Variants in ENTREP2 observed in about 807,000 individuals in gnomAD.
ENTREP2 encodes the protein protein ENTREP2.
At chr15:29,492,609 A>G in the ENTREP2 span, among the ~76,000 whole-genome samples, 1 of 152,246 alleles carries the variant, frequency 6.6e-6, no homozygotes. Context: ...AGTGTTAAAC[A>G]TATTAATATA....
the ENTREP2 span, among the ~76,000 whole-genome samples, chr15:29,216,301 C>T: frequency 3.3e-5 from 5 of 152,146 alleles, no homozygotes; most frequent in Non-Finnish European, 4.4e-5. Flanking sequence ...GGCCCTGATC[C>T]GTTTTAGCTT....
At chr15:29,464,722 C>T in the ENTREP2 span, among the ~76,000 whole-genome samples, 4 of 152,156 alleles carry the variant, frequency 2.6e-5, no homozygotes, top group African/African-American at 4.8e-5. Flanking sequence ...TGTGGAGGGG[C>T]CCCCTGGGCA....
chr15:29,647,970 C>T, the ENTREP2 span, among the ~76,000 whole-genome samples: 7 of 152,158 alleles, frequency 4.6e-5, no homozygotes, highest in East Asian at 1.9e-4. Flanking sequence ...GTTTTTCCAG[C>T]GTAACTTGAC....
chr15:29,589,651 G>C, the ENTREP2 span, among the ~76,000 whole-genome samples: 3 of 152,324 alleles, frequency 2.0e-5, no homozygotes, highest in African/African-American at 7.2e-5. Flanking sequence ...TGCTAACATA[G>C]ACTGCCTGCC....
chr15:29,365,254 T>TC, the ENTREP2 span, among the ~76,000 whole-genome samples: 1 of 151,774 alleles, frequency 6.6e-6, no homozygotes, highest in Non-Finnish European at 1.5e-5. Flanking sequence ...TCATTTCTTT[T>TC]TTTTTTTTTT....
the ENTREP2 span, among the ~76,000 whole-genome samples, chr15:29,638,580 T>G: frequency 6.6e-6 from 1 of 152,108 alleles, no homozygotes; most frequent in African/African-American, 2.4e-5. Context: ...TCTGTGCAAT[T>G]AATAAAAAAC....
At chr15:29,611,461 A>G in the ENTREP2 span, among the ~76,000 whole-genome samples, 1 of 152,014 alleles carries the variant, frequency 6.6e-6, no homozygotes, top group Admixed American at 6.6e-5. Flanking sequence ...ATCATCCCCT[A>G]GCGTCTAATG....
At chr15:29,364,851 T>G in the ENTREP2 span, among the ~76,000 whole-genome samples, 1 of 152,176 alleles carries the variant, frequency 6.6e-6, no homozygotes, top group African/African-American at 2.4e-5. Flanking sequence ...AGGCACAGCC[T>G]CCGCCACTAC....
the ENTREP2 span, among the ~76,000 whole-genome samples, chr15:29,556,752 C>A: frequency 8.8e-6 from 1 of 114,040 alleles, no homozygotes; most frequent in Non-Finnish European, 1.7e-5. Context: ...GGCTTCAGCC[C>A]CATGCAGGTG....
the ENTREP2 span, among the ~76,000 whole-genome samples, chr15:29,344,971 C>CACACACAT: frequency 6.7e-6 from 1 of 148,396 alleles, no homozygotes; most frequent in Non-Finnish European, 1.5e-5. Context: ...CACACACACA[C>CACACACAT]GTCTGTGTTT....
chr15:29,429,226 CATCCATCT>C, the ENTREP2 span, among the ~76,000 whole-genome samples: 45 of 141,576 alleles, frequency 3.2e-4, no homozygotes, highest in East Asian at 1.2e-3. Context: ...TCCATCCATC[CATCCATCT>C]ATCTTGAGAT....
At chr15:29,577,423 G>A in the ENTREP2 span, among the ~76,000 whole-genome samples, 9 of 151,442 alleles carry the variant, frequency 5.9e-5, no homozygotes, top group African/African-American at 2.2e-4. Context: ...GCACAAAGAC[G>A]GCTCATTGCA....
At chr15:29,552,193 T>C in the ENTREP2 span, among the ~76,000 whole-genome samples, 4 of 152,112 alleles carry the variant, frequency 2.6e-5, no homozygotes, top group African/African-American at 9.6e-5. Flanking sequence ...CGGCCTGAGA[T>C]TTAAAGTGAA....
chr15:29,295,466 T>A, the ENTREP2 span, among the ~76,000 whole-genome samples: 3 of 152,138 alleles, frequency 2.0e-5, no homozygotes, highest in African/African-American at 7.2e-5. Flanking sequence ...TCATCCCTTA[T>A]CCTTAGGGGG....
the ENTREP2 span, among the ~76,000 whole-genome samples, chr15:29,485,860 C>G: frequency 6.6e-6 from 1 of 152,052 alleles, no homozygotes; most frequent in Non-Finnish European, 1.5e-5. Context: ...AAAGACAGAA[C>G]GTAATAAATG....
At chr15:29,551,512 T>C in the ENTREP2 span, among the ~76,000 whole-genome samples, 1 of 152,160 alleles carries the variant, frequency 6.6e-6, no homozygotes, top group South Asian at 2.1e-4. Context: ...TGGAGCTATA[T>C]ACAAAATAAA....
chr15:29,234,287 T>A, the ENTREP2 span: 29 of 1,612,268 alleles, frequency 1.8e-5, no homozygotes, highest in Admixed American at 6.7e-5. Context: ...TGCTGTATCA[T>A]CTTTCGGGTC....
chr15:29,506,265 A>T, the ENTREP2 span, among the ~76,000 whole-genome samples: 1 of 152,204 alleles, frequency 6.6e-6, no homozygotes, highest in Non-Finnish European at 1.5e-5. Context: ...ATGTGAAAAG[A>T]CCAAACCTAC....
At chr15:29,461,883 T>C in the ENTREP2 span, among the ~76,000 whole-genome samples, 20 of 152,122 alleles carry the variant, frequency 1.3e-4, no homozygotes, top group African/African-American at 4.8e-4. Context: ...ACTGAAACTC[T>C]GCACCCACTG....
Sources: gnomAD v4.1 joint callset for allele counts (sites outside exome capture counted in the v4.1 genomes callset) on GRCh38, gnomAD v4.1.1 for gene constraint, MANE v1.5 for transcripts, NCBI Gene and HGNC (gene_info 2026-07-23, HGNC 2026-07-21) for gene names.